QPRT: variants seen among roughly 807,000 people sequenced by gnomAD.
The protein encoded by QPRT is quinolinate phosphoribosyltransferase.
Under a neutral mutation model 19.8 loss-of-function variants are expected in QPRT, and 17 were observed. That is an observed-to-expected ratio of 0.86 (90% CI 0.59 to 1.29). The LOEUF is 1.29. QPRT is among the 50% of genes most tolerant of loss of function. The pLI is 0.00. For synonymous variants in QPRT, 178 were observed against 191.0 expected, an observed-to-expected ratio of 0.93 and a Z score of 0.56; for missense variants, 336 against 405.1, an observed-to-expected ratio of 0.83 and a Z score of 1.46.
In QPRT at chr16:29,695,174, T is replaced by C. The variant is rs1337064884; in HGVS notation, c.524T>C (p.Val175Ala). The C allele has an allele frequency of 1.3e-6, 2 of 1,560,566 alleles. No homozygotes were observed. The highest frequency in any genetic ancestry group is 4.7e-5 in the East Asian group (2 of 42,422). The change falls in exon 2 of 4, where the codon GTG becomes GCG. Residue 175 changes from valine (V) to alanine (A), a missense_variant. Physicochemically the swap from Val to Ala is moderately conservative, Grantham distance 64. Transcript: ENST00000395384. ...GGLVMVKDNH[V>A]VAAGGVEKAV... ...CTGGTGATGGTGAAGGATAACCATG[T>C]GGTGGCCGCCGGTGGCGTGGAGAAG...
chr16:29,694,411 GC>G (rs1967449969), intron 1 of QPRT, among the ~76,000 whole-genome samples: 1 of 151,972 alleles, frequency 6.6e-6, no homozygotes, highest in South Asian at 2.1e-4. Context: ...GAGCCACCGC[GC>G]CCGGCCCAGA....
rs113592039 is a variant in QPRT at position 29,692,248 on chromosome 16, C to CTTATTTAT, written c.14-2389_14-2382dup. Among the ~76,000 whole-genome samples the CTTATTTAT allele has an allele frequency of 8.6e-5, 13 of 151,128 alleles. No homozygotes were observed. The East Asian group carries it at 2.4e-3, about 28-fold the overall frequency. On this transcript the variant is annotated intron_variant, in intron 1 of 3. Transcript: ENST00000395384. ...AGGGGCCTTCACCATGTCCACTATC[C>CTTATTTAT]TTATTTATTTATTTATTTATTTATT...
In QPRT at chr16:29,694,646, G is replaced by A. The variant is rs201010662; in HGVS notation, c.14-18G>A. 34 of 1,516,238 alleles carry A rather than the reference G, an allele frequency of 2.2e-5. No homozygotes were observed. In the East Asian group the frequency reaches 7.5e-4, roughly 33 times the overall value. The allele number at this position is 1,516,238 out of a possible 1,614,324, so 93.9% of individuals were successfully genotyped here. ...GGAGAGGCAGCCAAACTCAACAGCT[G>A]TTCTCTCTTCCCCCCAGGCCTGGCG... On this transcript the variant is annotated intron_variant, in intron 1 of 3. Transcript: ENST00000395384.
Position 29,684,224 on chromosome 16 carries a change from G to A in QPRT, c.13+5014G>A, listed in dbSNP as rs57803622. Reference sequence around the variant, plus strand: ...AGCCTCCAACTCCTGGACTCAAGCCGCAGCCTCCCGAGTAGCTGGCGAGTA... The same window carrying A: ...AGCCTCCAACTCCTGGACTCAAGCCACAGCCTCCCGAGTAGCTGGCGAGTA... On this transcript the variant is annotated intron_variant, in intron 1 of 3. Transcript: ENST00000395384. 7.9e-3 allele frequency among the ~76,000 whole-genome samples: 1,204 copies of A among 152,044 alleles called. 48 individuals carry two copies. The East Asian group carries it at 0.14, about 17-fold the overall frequency.
At chr16:29,686,848 A>G (rs1436796137) in intron 1 of QPRT, among the ~76,000 whole-genome samples, 1 of 152,086 alleles carries the variant, frequency 6.6e-6, no homozygotes, top group African/African-American at 2.4e-5. Flanking sequence ...GGCTTCCCAG[A>G]GTGCTGGGAT....
chr16:29,697,546 C>A lies in QPRT; in HGVS notation c.*135C>A. 1 of 858,398 alleles carries A rather than the reference C, an allele frequency of 1.2e-6. No individual in the cohort carries two copies. The highest frequency in any genetic ancestry group is 1.8e-6 in the Non-Finnish European group (1 of 568,748). The allele number at this position is 858,398 out of a possible 1,614,324, so 53.2% of individuals were successfully genotyped here. ...CTTGAGCCCAACTCTGGCTCTGCCA[C>A]CTGCTGCTCCTGTGACCTGTCAGGG... On this transcript the variant is annotated 3_prime_UTR_variant, in exon 4 of 4. Coordinates refer to ENST00000395384, the MANE Select transcript of QPRT (RefSeq NM_014298.6). This position sits in a 1 kb window ranked among gnomAD's most constrained non-coding sequence, Gnocchi z 4.4.
intron 2 of QPRT, 83 bp from the exon 3 acceptor site, chr16:29,696,913 C>T (rs934081126): frequency 4.4e-5 from 64 of 1,465,894 alleles, no homozygotes; most frequent in Middle Eastern, 5.0e-4. Context: ...GCCCTATCGT[C>T]ACCCTCGCCC....
intron 1 of QPRT, among the ~76,000 whole-genome samples, chr16:29,690,340 T>C (rs1009154830): frequency 1.3e-5 from 2 of 152,226 alleles, no homozygotes; most frequent in African/African-American, 2.4e-5. Context: ...TGTGTCTTTA[T>C]AACAGAATGG....
At chr16:29,686,911 C>G (rs974198787) in intron 1 of QPRT, among the ~76,000 whole-genome samples, 4 of 152,232 alleles carry the variant, frequency 2.6e-5, no homozygotes, top group African/African-American at 9.6e-5. Flanking sequence ...TTCACTGATT[C>G]TCTGACACAT....
chr16:29,685,482 T>C (rs1437860601), intron 1 of QPRT, among the ~76,000 whole-genome samples: 1 of 151,794 alleles, frequency 6.6e-6, no homozygotes, highest in East Asian at 1.9e-4. Flanking sequence ...CAAAAAAAAA[T>C]TATTTGTGGA....
chr16:29,679,101 GC>G (rs1567326007), upstream of QPRT: 2 of 1,609,376 alleles, frequency 1.2e-6, no homozygotes, highest in Non-Finnish European at 1.7e-6. Flanking sequence ...AGCTTGATGG[GC>G]CCTCCCTCCC....
chr16:29,681,622 G>A lies in QPRT; in HGVS notation c.13+2412G>A, dbSNP rs557284640. Among the ~76,000 whole-genome samples the A allele has an allele frequency of 3.4e-5, 5 of 149,196 alleles. No homozygotes were observed. The East Asian group carries it at 8.0e-4, about 24-fold the overall frequency. On this transcript the variant is annotated intron_variant, in intron 1 of 3. Transcript: ENST00000395384. The stretch of plus-strand genomic sequence containing the variant: ...AGCGATTCTCCTGCCTCAGCCTCAC[G>A]AGTAGCTGGGACTACAGGCATAAAC...
At chr16:29,694,140 A>G (rs1234995940) in intron 1 of QPRT, among the ~76,000 whole-genome samples, 1 of 143,422 alleles carries the variant, frequency 7.0e-6, no homozygotes, top group East Asian at 2.1e-4. Flanking sequence ...TTTTTTTGAG[A>G]CGGAGTCTTA....
chr16:29,694,457 C>G (rs1366427474), intron 1 of QPRT, among the ~76,000 whole-genome samples: 1 of 152,118 alleles, frequency 6.6e-6, no homozygotes, highest in East Asian at 1.9e-4. Context: ...GTGATCTCAT[C>G]AAGCCCACAG....
chr16:29,681,504 T>TC (rs1555491455), intron 1 of QPRT, among the ~76,000 whole-genome samples: 1 of 144,154 alleles, frequency 6.9e-6, no homozygotes, highest in Non-Finnish European at 1.5e-5. Context: ...TTTTTTTTTT[T>TC]TTTTTTTTTT....
intron 1 of QPRT, among the ~76,000 whole-genome samples, chr16:29,680,793 T>G (rs1415544906): frequency 6.6e-6 from 1 of 151,958 alleles, no homozygotes; most frequent in Non-Finnish European, 1.5e-5. Context: ...GTACAAAAAT[T>G]AGCCGAGTGT....
chr16:29,687,347 A>T (rs542903150), intron 1 of QPRT, among the ~76,000 whole-genome samples: 4 of 152,320 alleles, frequency 2.6e-5, no homozygotes, highest in Admixed American at 2.6e-4. Context: ...TGGCAATTTT[A>T]TATTGGTTAG....
At chr16:29,693,639 T>A (rs771042737) in intron 1 of QPRT, among the ~76,000 whole-genome samples, 8 of 152,006 alleles carry the variant, frequency 5.3e-5, no homozygotes, top group Non-Finnish European at 1.2e-4. Flanking sequence ...CAGGCTGGAG[T>A]GCAGTGGCGT....
chr16:29,694,501 C>T (rs941196862), intron 1 of QPRT, among the ~76,000 whole-genome samples, 163 bp from the exon 2 acceptor site: 2 of 149,442 alleles, frequency 1.3e-5, no homozygotes, highest in Non-Finnish European at 3.0e-5. Flanking sequence ...AACCTCCCTT[C>T]CCCCCACGCC....
Sources: gnomAD v4.1 joint callset for allele counts (sites outside exome capture counted in the v4.1 genomes callset) on GRCh38, gnomAD v4.1.1 for gene constraint, Gnocchi (gnomAD v3.1) non-coding constraint, MANE v1.5 for transcripts, NCBI Gene and HGNC (gene_info 2026-07-23, HGNC 2026-07-21) for gene names.